The following RIC1 variants were observed in gnomAD, a reference collection of about 807,000 sequenced individuals.
RIC1 encodes RIC1 partner of RAB6A GEF complex, also known as guanine nucleotide exchange factor subunit RIC1.
In RIC1, 88 loss-of-function variants were observed where a neutral mutation model predicts 169.0. The observed-to-expected ratio is 0.52, with a 90% confidence interval of 0.44 to 0.62. The LOEUF is 0.62. Among genes scored for constraint, RIC1 ranks in the 20% least tolerant of loss-of-function variants. The probability of loss-of-function intolerance (pLI) is 0.00; values close to 1 mark genes in which losing one functional copy is unlikely to be tolerated. For missense variants in RIC1, 1,877 were observed against 1,725.5 expected, an observed-to-expected ratio of 1.09 and a Z score of -1.56; for synonymous variants, 790 against 601.5, an observed-to-expected ratio of 1.31 and a Z score of -4.59.
intron 4 of RIC1, among the ~76,000 whole-genome samples, chr9:5,717,971 C>A (rs1440588273): frequency 6.6e-6 from 1 of 151,466 alleles, no homozygotes; most frequent in Non-Finnish European, 1.5e-5. Flanking sequence ...GAAACCTTGT[C>A]TCTACTAAAA....
intron 2 of RIC1, among the ~76,000 whole-genome samples, chr9:5,680,161 T>G (rs1820729513): frequency 6.6e-6 from 1 of 152,236 alleles, no homozygotes; most frequent in Non-Finnish European, 1.5e-5. Flanking sequence ...TTTCGTATGT[T>G]GAACCAGCCT....
chr9:5,690,878 G>T (rs986464535), intron 3 of RIC1, among the ~76,000 whole-genome samples: 1 of 151,746 alleles, frequency 6.6e-6, no homozygotes, highest in African/African-American at 2.4e-5. Flanking sequence ...CTCATTAAAG[G>T]AAATACTGTA....
At chr9:5,671,591 CA>C (rs1820111642) in intron 2 of RIC1, among the ~76,000 whole-genome samples, 1 of 152,092 alleles carries the variant, frequency 6.6e-6, no homozygotes, top group Admixed American at 6.6e-5. Flanking sequence ...TATTTTATAT[CA>C]TAATGAAAGA....
chr9:5,722,046 G>A (rs1240043282), intron 6 of RIC1, among the ~76,000 whole-genome samples: 4 of 151,696 alleles, frequency 2.6e-5, no homozygotes, highest in Non-Finnish European at 4.4e-5. Flanking sequence ...GCACCACCAC[G>A]CCCGCCTAAT....
At chr9:5,716,608 CAAAAG>C (rs1343655248) in intron 4 of RIC1, among the ~76,000 whole-genome samples, 2 of 152,082 alleles carry the variant, frequency 1.3e-5, no homozygotes, top group African/African-American at 4.8e-5. Context: ...GACTGTGTCT[CAAAAG>C]AAACAAAAAT....
intron 1 of RIC1, among the ~76,000 whole-genome samples, chr9:5,636,525 G>T (rs752537253): frequency 7.2e-5 from 11 of 151,950 alleles, no homozygotes; most frequent in Non-Finnish European, 1.6e-4. Flanking sequence ...TCACCATGTT[G>T]GCCAGGCTGG....
intron 21 of RIC1, among the ~76,000 whole-genome samples, chr9:5,767,088 A>C (rs1826823472): frequency 6.6e-6 from 1 of 152,202 alleles, no homozygotes; most frequent in African/African-American, 2.4e-5. Flanking sequence ...CAAACTTTTA[A>C]ATTACCTCTG....
chr9:5,680,249 T>G (rs1820734654), intron 2 of RIC1, among the ~76,000 whole-genome samples: 1 of 152,220 alleles, frequency 6.6e-6, no homozygotes, highest in Admixed American at 6.5e-5. Flanking sequence ...TTGCCAGTAT[T>G]TTATTGAGGA....
chr9:5,774,035 A>G lies in RIC1; in HGVS notation c.4061A>G (p.Gln1354Arg), dbSNP rs1827426390. 8.7e-6 allele frequency: 14 copies of G among 1,614,100 alleles called. No individual in the cohort carries two copies. Among genetic ancestry groups the G allele is most frequent in the Non-Finnish European group, 1.0e-5 (12 of 1,179,976 alleles). ...AGTGAGATAACAGAAGAGCAGGTCC[A>G]GCCAGATGCCTTCCAACCAATAACT... ...KLSEITEEQVQPDAFQPITMG... is the reference protein window; with the variant it reads ...KLSEITEEQVRPDAFQPITMG... The change falls in exon 26 of 26, where the codon CAG (glutamine) becomes CGG (arginine). Residue 1354 changes from glutamine to arginine, a missense_variant. By Grantham distance (43) the Gln-to-Arg change is conservative. Coordinates refer to ENST00000414202, the MANE Select transcript of RIC1 (RefSeq NM_020829.4).
chr9:5,777,536 T>G (rs914994119), downstream of RIC1, among the ~76,000 whole-genome samples: 1 of 152,100 alleles, frequency 6.6e-6, no homozygotes, highest in African/African-American at 2.4e-5. Context: ...TGAAACACTG[T>G]TTTTAAGTCC....
chr9:5,732,424 G>A lies in RIC1; in HGVS notation c.757G>A (p.Gly253Arg), dbSNP rs750747707. The A allele has an allele frequency of 1.9e-6, 3 of 1,611,294 alleles. No homozygotes were observed. The highest frequency in any genetic ancestry group is 1.3e-5 in the African/African-American group (1 of 74,894). The stretch of plus-strand genomic sequence containing the variant: ...AGTTTGGCCACAAGATGTTGTTGAC[G>A]GAACGTGTGTAGCAGTAAATAACAA... ...HGVWPQDVVD[G>R]TCVAVNNKYR... The change falls in exon 7 of 26, where the codon GGA becomes AGA. Residue 253 changes from glycine to arginine, a missense_variant. Gly to Arg is a moderately radical substitution (Grantham distance 125). This residue lies in a region of RIC1 where 1,104 missense variants were observed against 992.0 expected (regional missense o/e 1.11). Transcript: ENST00000414202.
intron 3 of RIC1, among the ~76,000 whole-genome samples, chr9:5,694,842 G>A (rs768971099): frequency 2.7e-5 from 4 of 150,450 alleles, no homozygotes; most frequent in Non-Finnish European, 4.4e-5. Context: ...AGGGTACTAC[G>A]TCTTTCAAAA....
chr9:5,775,107 A>G lies in RIC1; in HGVS notation c.*861A>G, dbSNP rs1827506593. The stretch of plus-strand genomic sequence containing the variant: ...TTGCTCCTCTGCAAAACTGAGGAAG[A>G]CAGGTTTATTGGCTTGGTCATGAAG... On this transcript the variant is annotated 3_prime_UTR_variant, in exon 26 of 26. Coordinates refer to ENST00000414202, the MANE Select transcript of RIC1 (RefSeq NM_020829.4). The G allele has an allele frequency of 6.6e-6, 1 of 152,226 alleles. No homozygotes were observed. The highest frequency in any genetic ancestry group is 2.1e-4 in the South Asian group (1 of 4,830). The allele number at this position is 152,226 out of a possible 1,614,324, so 9.4% of individuals were successfully genotyped here.
chr9:5,737,498 T>C (rs1824788528), intron 7 of RIC1, among the ~76,000 whole-genome samples: 1 of 152,050 alleles, frequency 6.6e-6, no homozygotes, highest in African/African-American at 2.4e-5. Flanking sequence ...ATTAACTCTT[T>C]GTTGTATTTT....
chr9:5,723,617 T>A lies in RIC1; in HGVS notation c.720+2867T>A, dbSNP rs571210730. ...GTTGCCATTGCTTTTGGTGTTTTAG[T>A]CATGAAGTCCTTGCCCATGCCTATG... On this transcript the variant is annotated intron_variant, in intron 6 of 25. Transcript: ENST00000414202. Among the ~76,000 whole-genome samples, 1,202 of 152,304 alleles carry A rather than the reference T, an allele frequency of 7.9e-3. 13 individuals carry two copies. Among genetic ancestry groups the A allele is most frequent in the African/African-American group, 0.028 (1,163 of 41,566 alleles).
At chr9:5,733,465 C>T (rs1824497593) in intron 7 of RIC1, among the ~76,000 whole-genome samples, 1 of 151,982 alleles carries the variant, frequency 6.6e-6, no homozygotes. Flanking sequence ...GCAGGCATTT[C>T]ACCGTGTTTG....
Position 5,763,458 on chromosome 9 carries a change from C to T in RIC1, c.2431C>T (p.Leu811=), listed in dbSNP as rs1418279312. 1 of 1,614,052 alleles carries T rather than the reference C, an allele frequency of 6.2e-7. No individual in the cohort carries two copies. The highest frequency in any genetic ancestry group is 8.5e-7 in the Non-Finnish European group (1 of 1,180,028). ...TACTCGGAACAATGCTAGAGAACAG[C>T]TGGAGGTGCTCTTCCCTTTCTGTGT... The part of the protein sequence containing the change: ...LYTRNNAREQ[L]EVLFPFCVVE... Residue 811 remains leucine, a synonymous_variant, in exon 19 of 26, where the codon CTG becomes TTG. Coordinates refer to ENST00000414202, the MANE Select transcript of RIC1 (RefSeq NM_020829.4). The surrounding 1 kb of genome is among the most constrained non-coding windows in gnomAD (Gnocchi z 5.2).
intron 12 of RIC1, among the ~76,000 whole-genome samples, chr9:5,749,662 C>T (rs561269251): frequency 6.6e-6 from 1 of 151,232 alleles, no homozygotes; most frequent in Admixed American, 6.6e-5. Context: ...CCTTAGCTTC[C>T]AGATTGGAAG....
intron 1 of RIC1, among the ~76,000 whole-genome samples, chr9:5,637,040 A>T (rs535985054): frequency 6.6e-6 from 1 of 151,894 alleles, no homozygotes; most frequent in South Asian, 2.1e-4. Flanking sequence ...CACAGTAGGT[A>T]TATATTTATG....
Sources: gnomAD v4.1 joint callset for allele counts (sites outside exome capture counted in the v4.1 genomes callset) on GRCh38, gnomAD v4.1.1 for gene constraint, gnomAD v4.1.1 regional missense constraint, Gnocchi (gnomAD v3.1) non-coding constraint, MANE v1.5 for transcripts, NCBI Gene and HGNC (gene_info 2026-07-23, HGNC 2026-07-21) for gene names.